Variants in GLCE observed in about 807,000 individuals in gnomAD.
The protein encoded by GLCE is D-glucuronyl C5-epimerase.
GLCE carries 19 observed loss-of-function variants against 47.9 expected under a neutral mutation model. The observed-to-expected ratio is 0.40, with a 90% confidence interval of 0.28 to 0.58. GLCE has a LOEUF of 0.58. Among genes scored for constraint, GLCE ranks in the 20% least tolerant of loss-of-function variants. The pLI is 0.48. For synonymous variants in GLCE, 245 were observed against 263.4 expected (o/e 0.93, Z 0.68); for missense variants, 556 against 743.3 (o/e 0.75, Z 2.93).
chr15:69,249,134 A>T (rs956182003), intron 2 of GLCE, among the ~76,000 whole-genome samples: 12 of 152,204 alleles, frequency 7.9e-5, no homozygotes, highest in African/African-American at 2.9e-4. Context: ...TTGGCATTTA[A>T]GCAGTGACCT....
intron 2 of GLCE, among the ~76,000 whole-genome samples, chr15:69,228,629 A>C (rs543936034): frequency 6.7e-4 from 102 of 152,370 alleles, no homozygotes; most frequent in Non-Finnish European, 1.4e-3. Context: ...AATGACATCA[A>C]ATGTAAATGG....
At position 69,269,553 on chromosome 15, in the gene GLCE, T is replaced by C. The variant is rs769659796; in HGVS notation, c.*309T>C. 8.0e-5 allele frequency: 23 copies of C among 286,640 alleles called. No individual in the cohort carries two copies. Among genetic ancestry groups the C allele is most frequent in the Non-Finnish European group, 1.5e-4 (23 of 153,562 alleles). The allele number at this position is 286,640 out of a possible 1,614,324, so 17.8% of individuals were successfully genotyped here. ...TAGTCACTCTATGTGAGAAAGATAA[T>C]GGTAAGTAGTTGCTACTGGCCAACT... is the stretch of plus-strand genomic sequence containing the variant. On this transcript the variant is annotated 3_prime_UTR_variant, in exon 5 of 5. Coordinates refer to ENST00000261858, the MANE Select transcript of GLCE (RefSeq NM_015554.3).
intron 1 of GLCE, among the ~76,000 whole-genome samples, chr15:69,191,382 C>T (rs1177393636): frequency 6.6e-6 from 1 of 152,096 alleles, no homozygotes; most frequent in Non-Finnish European, 1.5e-5. Flanking sequence ...AGCATATAGT[C>T]AAACTCATGG....
At chr15:69,238,413 C>T (rs2052620573) in intron 2 of GLCE, among the ~76,000 whole-genome samples, 2 of 151,962 alleles carry the variant, frequency 1.3e-5, no homozygotes, top group African/African-American at 4.8e-5. Flanking sequence ...GTTTCTTCAA[C>T]CATATGTGGG....
chr15:69,234,293 TTTTA>T (rs2052566052), intron 2 of GLCE, among the ~76,000 whole-genome samples: 1 of 152,086 alleles, frequency 6.6e-6, no homozygotes, highest in Non-Finnish European at 1.5e-5. Flanking sequence ...GATTATTTTT[TTTTA>T]ATTTTTTTGA....
At chr15:69,205,431 C>G (rs943855443) in intron 1 of GLCE, among the ~76,000 whole-genome samples, 1 of 152,026 alleles carries the variant, frequency 6.6e-6, no homozygotes, top group African/African-American at 2.4e-5. Flanking sequence ...CAGTTTTTAG[C>G]TATTTTGAAT....
At chr15:69,193,047 C>A (rs1276003913) in intron 1 of GLCE, among the ~76,000 whole-genome samples, 1 of 152,006 alleles carries the variant, frequency 6.6e-6, no homozygotes, top group Non-Finnish European at 1.5e-5. Context: ...GGATCTCTTT[C>A]CGTGTTGATC....
At chr15:69,168,531 T>C (rs886066627) in intron 1 of GLCE, among the ~76,000 whole-genome samples, 3 of 109,278 alleles carry the variant, frequency 2.7e-5, no homozygotes, top group African/African-American at 6.4e-5. Context: ...CCATTCCATC[T>C]ATTCCTTTTT....
At chr15:69,262,622 T>C (rs1308515677) in intron 4 of GLCE, among the ~76,000 whole-genome samples, 4 of 152,200 alleles carry the variant, frequency 2.6e-5, no homozygotes, top group East Asian at 1.9e-4. Context: ...TTGTGCACTT[T>C]TGGGTGCTTT....
In GLCE at chr15:69,271,768, T is replaced by C. The variant is rs1394495298; in HGVS notation, c.*2524T>C. 1.3e-5 allele frequency: 2 copies of C among 152,572 alleles called. No individual in the cohort carries two copies. Among genetic ancestry groups the C allele is most frequent in the Non-Finnish European group, 2.9e-5 (2 of 68,034 alleles). The allele number at this position is 152,572 out of a possible 1,614,324, so 9.5% of individuals were successfully genotyped here. A position where few individuals can be genotyped will look rare whatever the true frequency, so the allele number is the denominator to read the frequency against. On this transcript the variant is annotated 3_prime_UTR_variant, in exon 5 of 5. Transcript: ENST00000261858. ...TCTGGATGAAGGTCAAGTTTGACCT[T>C]TTAGGAGTTATTGTACATAAAGGCT...
chr15:69,186,396 T>G (rs2051825092), intron 1 of GLCE, among the ~76,000 whole-genome samples: 1 of 152,128 alleles, frequency 6.6e-6, no homozygotes, highest in Non-Finnish European at 1.5e-5. Flanking sequence ...CCAGGAACCA[T>G]GAATGAAAAC....
chr15:69,178,409 A>G lies in GLCE; in HGVS notation c.-105+17652A>G, dbSNP rs151191443. Among the ~76,000 whole-genome samples, 368 of 152,258 alleles carry G rather than the reference A, an allele frequency of 2.4e-3. 4 individuals are homozygous for G. The highest frequency in any genetic ancestry group is 8.6e-3 in the African/African-American group (359 of 41,550). On this transcript the variant is annotated intron_variant, in intron 1 of 4. Transcript: ENST00000261858. ...TGGGTTTGCATATTCTCTAACAATC[A>G]GTGTAATCAAGTTCCCTAACCTTCC...
In GLCE at chr15:69,233,034, A is replaced by G. The variant is rs191934179; in HGVS notation, c.-14+22628A>G. 2.0e-3 allele frequency among the ~76,000 whole-genome samples: 311 copies of G among 152,316 alleles called. 5 individuals are homozygous for G. Among genetic ancestry groups the G allele is most frequent in the East Asian group, 4.3e-3 (22 of 5,176 alleles). On this transcript the variant is annotated intron_variant, in intron 2 of 4. Coordinates refer to ENST00000261858, the MANE Select transcript of GLCE (RefSeq NM_015554.3). ...TCTAACAGTGTAAGATGACTTACTT[A>G]ACATTGATTATTAAAGATTGTAGAA...
chr15:69,171,380 T>C (rs1343101345), intron 1 of GLCE, among the ~76,000 whole-genome samples: 2 of 151,716 alleles, frequency 1.3e-5, no homozygotes, highest in African/African-American at 4.8e-5. Flanking sequence ...GGAAAAGATA[T>C]TTACTTTTGG....
chr15:69,188,962 A>C (rs1377965609), intron 1 of GLCE, among the ~76,000 whole-genome samples: 1 of 152,152 alleles, frequency 6.6e-6, no homozygotes, highest in African/African-American at 2.4e-5. Context: ...CCCCCCCACC[A>C]GCCTTTCCCA....
intron 1 of GLCE, among the ~76,000 whole-genome samples, chr15:69,164,517 A>ATATACATAT (rs2051474418): frequency 6.7e-6 from 1 of 150,248 alleles, no homozygotes; most frequent in South Asian, 2.1e-4. Flanking sequence ...GTATGTTGTT[A>ATATACATAT]TATACATATG....
Position 69,173,783 on chromosome 15 carries a change from G to A in GLCE, c.-105+13026G>A, listed in dbSNP as rs571418607. Among the ~76,000 whole-genome samples the A allele has an allele frequency of 6.6e-5, 10 of 152,264 alleles. 1 individual carries two copies. In the South Asian group the frequency reaches 2.1e-3, roughly 32 times the overall value. ...CTTATAATACTTATGGCTTCATACA[G>A]TATCAGATTCTATTAGAGAGAATGA... On this transcript the variant is annotated intron_variant, in intron 1 of 4. Coordinates refer to ENST00000261858, the MANE Select transcript of GLCE (RefSeq NM_015554.3).
In GLCE at chr15:69,270,532, AAATC is replaced by A. The variant is rs1253583451; in HGVS notation, c.*1292_*1295del. 6.6e-6 allele frequency: 1 copy of A among 152,212 alleles called. No homozygotes were observed. The highest frequency in any genetic ancestry group is 2.4e-5 in the African/African-American group (1 of 41,456). 9.4% of individuals were successfully genotyped at this position (152,212 alleles called of 1,614,324 possible). On this transcript the variant is annotated 3_prime_UTR_variant, in exon 5 of 5. Transcript: ENST00000261858. ...GTTGATTTTGCTGTGACAGTACACT[AAATC>A]AATACTATATCTTATACAGTTTGAA...
chr15:69,260,650 G>A (rs1219039836), intron 3 of GLCE: 2 of 159,900 alleles, frequency 1.3e-5, no homozygotes. Context: ...AGATGAGTAT[G>A]TAGTAACTTG....
Sources: allele counts gnomAD v4.1 joint callset (sites outside exome capture counted in the v4.1 genomes callset), GRCh38; gene constraint gnomAD v4.1.1; transcripts MANE v1.5; gene names NCBI Gene and HGNC (gene_info 2026-07-23, HGNC 2026-07-21).